TMEM236: variants seen among roughly 807,000 people sequenced by gnomAD.
TMEM236 encodes the protein transmembrane protein 236.
Under a neutral mutation model 14.7 loss-of-function variants are expected in TMEM236, and 11 were observed. The ratio of observed to expected loss-of-function variants is 0.75; its 90% CI spans 0.47 to 1.24. The LOEUF (loss-of-function observed/expected upper bound fraction) is 1.24. Among genes scored for constraint, TMEM236 ranks in the 50% most tolerant of loss-of-function variants. The probability of loss-of-function intolerance (pLI) is 0.00; values close to 1 mark genes in which losing one functional copy is unlikely to be tolerated. For missense variants in TMEM236, 464 were observed against 427.3 expected (o/e 1.09, Z -0.76); for synonymous variants, 182 against 168.6 (o/e 1.08, Z -0.62).
chr10:17,783,662 T>C (rs1837790367), intron 3 of TMEM236, among the ~76,000 whole-genome samples: 2 of 152,174 alleles, frequency 1.3e-5, no homozygotes, highest in Non-Finnish European at 2.9e-5. Flanking sequence ...AGGTTTTTGA[T>C]ATGTGTAGTT....
chr10:17,780,141 A>C (rs1837723384), intron 3 of TMEM236, among the ~76,000 whole-genome samples: 1 of 152,148 alleles, frequency 6.6e-6, no homozygotes, highest in Non-Finnish European at 1.5e-5. Context: ...TCCCCTGGAA[A>C]CCACCATTTC....
At chr10:17,782,582 G>A (rs1837770669) in intron 3 of TMEM236, among the ~76,000 whole-genome samples, 2 of 152,192 alleles carry the variant, frequency 1.3e-5, no homozygotes, top group African/African-American at 4.8e-5. Flanking sequence ...CTCCCGAGTA[G>A]CTGGGACTAC....
At chr10:17,784,442 C>A (rs1837801849) in intron 3 of TMEM236, among the ~76,000 whole-genome samples, 1 of 152,112 alleles carries the variant, frequency 6.6e-6, no homozygotes, top group Non-Finnish European at 1.5e-5. Flanking sequence ...GAATCAGGAT[C>A]TCTGGGGATG....
intron 1 of TMEM236, among the ~76,000 whole-genome samples, chr10:17,768,365 C>A (rs1022165418): frequency 6.6e-6 from 1 of 152,062 alleles, no homozygotes; most frequent in East Asian, 1.9e-4. Flanking sequence ...CTACATAATT[C>A]TTTAAAAAAG....
rs942162656 is a variant in TMEM236, at chr10:17,772,055, T to G, written c.330+674T>G. On this transcript the variant is annotated intron_variant, in intron 2 of 3. Transcript: ENST00000377495. ...TTAATTTACCTTGTGATATTTCACT[T>G]GTATGTGAAGCAAATATTCATTAAG... 5.9e-5 allele frequency among the ~76,000 whole-genome samples: 9 copies of G among 152,244 alleles called. No individual in the cohort carries two copies. The South Asian group carries it at 6.2e-4, about 10-fold the overall frequency.
At chr10:17,766,848 T>C (rs1300030379) in intron 1 of TMEM236, among the ~76,000 whole-genome samples, 1 of 122,448 alleles carries the variant, frequency 8.2e-6, no homozygotes, top group Non-Finnish European at 1.8e-5. Context: ...TTCTCCTTGC[T>C]TCTGTTGTTT....
rs540122812 is a variant in TMEM236, at chr10:17,786,100, G to T, written c.473-9821G>T. 6.4e-3 allele frequency among the ~76,000 whole-genome samples: 968 copies of T among 152,248 alleles called. 6 individuals carry two copies. Among genetic ancestry groups the T allele is most frequent in the African/African-American group, 0.022 (933 of 41,524 alleles). On this transcript the variant is annotated intron_variant, in intron 3 of 3. Transcript: ENST00000377495. ...GTTTGTTTTTCCTAAGTGGGCAAAA[G>T]AATTGTGAATAATTTTAGTATATTA...
At chr10:17,769,533 G>A (rs1341348650) in intron 1 of TMEM236, among the ~76,000 whole-genome samples, 3 of 152,144 alleles carry the variant, frequency 2.0e-5, no homozygotes, top group African/African-American at 7.2e-5. Flanking sequence ...TAATCTCTGG[G>A]GCATTGTCAT....
At chr10:17,780,076 A>C (rs935454157) in intron 3 of TMEM236, among the ~76,000 whole-genome samples, 6,841 of 152,160 alleles carry the variant, frequency 0.045, 481 homozygotes, top group African/African-American at 0.16. Context: ...CTTAGAGTGT[A>C]TATGTACCAA....
intron 1 of TMEM236, among the ~76,000 whole-genome samples, chr10:17,752,868 G>A (rs1837229384): frequency 6.6e-6 from 1 of 152,130 alleles, no homozygotes; most frequent in African/African-American, 2.4e-5. Context: ...TGCCCGGCCT[G>A]TAGAAGAATT....
At chr10:17,768,021 C>A (rs1201194018) in intron 1 of TMEM236, among the ~76,000 whole-genome samples, 1 of 150,950 alleles carries the variant, frequency 6.6e-6, no homozygotes, top group Admixed American at 6.6e-5. Flanking sequence ...AGAGATTCTC[C>A]TGCCTCAGCC....
In TMEM236 at chr10:17,800,217, T is replaced by C. The variant is rs1259312390; in HGVS notation, c.*3713T>C. The C allele has an allele frequency of 1.3e-5, 2 of 150,642 alleles. No homozygotes were observed. The highest frequency in any genetic ancestry group is 3.0e-5 in the Non-Finnish European group (2 of 67,728). The allele number at this position is 150,642 out of a possible 1,614,324, so 9.3% of individuals were successfully genotyped here. A position where few individuals can be genotyped will look rare whatever the true frequency, so the allele number is the denominator to read the frequency against. On this transcript the variant is annotated 3_prime_UTR_variant, in exon 4 of 4. Coordinates refer to ENST00000377495, the MANE Select transcript of TMEM236 (RefSeq NM_001098844.3). Reference sequence around the variant, plus strand: ...ACTATGCTCCAGCCTGGGCAACAGATTGAGACTCTGTCTCAAAAAAAAAAA... The same window carrying C: ...ACTATGCTCCAGCCTGGGCAACAGACTGAGACTCTGTCTCAAAAAAAAAAA...
In TMEM236 at chr10:17,776,143, A is replaced by T; in HGVS notation, c.445A>T (p.Ile149Leu). Residue 149 changes from isoleucine (I) to leucine (L), a missense_variant, in exon 3 of 4, where the codon ATA becomes TTA. Transcript: ENST00000377495. ...GGTTGATATTATTGAAAAACTCAGGATATATCCTCTTAGAGGGAGTCAAAA... is the reference window on the plus strand; with the variant it reads ...GGTTGATATTATTGAAAAACTCAGGTTATATCCTCTTAGAGGGAGTCAAAA... ...IMVDIIEKLR[I>L]YPLRGSQKSS... is the part of the protein sequence containing the mutation. 1 of 1,613,528 alleles carries T rather than the reference A, an allele frequency of 6.2e-7. No homozygotes were observed. The highest frequency in any genetic ancestry group is 2.2e-5 in the East Asian group (1 of 44,848).
At chr10:17,764,701 G>A (rs1312375109) in intron 1 of TMEM236, among the ~76,000 whole-genome samples, 1 of 152,108 alleles carries the variant, frequency 6.6e-6, no homozygotes, top group African/African-American at 2.4e-5. Flanking sequence ...CTGGCTGTTG[G>A]TGGTTGCTGG....
Position 17,796,917 on chromosome 10 carries a change from T to C in TMEM236, c.*413T>C, listed in dbSNP as rs1016172635. 6.1e-5 allele frequency: 15 copies of C among 245,700 alleles called. No homozygotes were observed. Among genetic ancestry groups the C allele is most frequent in the African/African-American group, 3.3e-4 (14 of 42,830 alleles). 15.2% of individuals were successfully genotyped at this position (245,700 alleles called of 1,614,324 possible). ...GATCAGCAGCAGCATTAGATCCTCA[T>C]AGGAGCCCAAACCCTATTGTGAACT... On this transcript the variant is annotated 3_prime_UTR_variant, in exon 4 of 4. Transcript: ENST00000377495.
intron 3 of TMEM236, among the ~76,000 whole-genome samples, chr10:17,777,561 T>C (rs1257907979): frequency 6.6e-6 from 1 of 152,190 alleles, no homozygotes; most frequent in Non-Finnish European, 1.5e-5. Context: ...CCTGAGTAGC[T>C]GGGATTCTAG....
chr10:17,787,494 C>T (rs973108530), intron 3 of TMEM236, among the ~76,000 whole-genome samples: 2 of 152,196 alleles, frequency 1.3e-5, no homozygotes, highest in African/African-American at 4.8e-5. Flanking sequence ...ATTGACTCTA[C>T]GGGAACCAGA....
rs1554836377 is a variant in TMEM236, at chr10:17,796,158, TA to T, written c.711del (p.Leu237PhefsTer13). On this transcript the variant is annotated frameshift_variant, in exon 4 of 4. Coordinates refer to ENST00000377495, the MANE Select transcript of TMEM236 (RefSeq NM_001098844.3). LOFTEE classifies it low-confidence loss of function (END_TRUNC). ...MMSRRDVRAE[L>X]FLWSFLLWSD... ...TCCCGGCGAGATGTCCGGGCAGAGT[TA>T]TTCTTATGGAGCTTTCTCCTGTGGT... The T allele has an allele frequency of 1.9e-6, 3 of 1,613,916 alleles. No individual in the cohort carries two copies. The South Asian group carries it at 3.3e-5, about 18-fold the overall frequency.
chr10:17,773,302 C>T (rs1161477810), intron 2 of TMEM236, among the ~76,000 whole-genome samples: 2 of 152,134 alleles, frequency 1.3e-5, no homozygotes, highest in African/African-American at 4.8e-5. Flanking sequence ...TAGAACTCAC[C>T]AGCAGAGAAG....
Sources: allele counts gnomAD v4.1 joint callset (sites outside exome capture counted in the v4.1 genomes callset), GRCh38; gene constraint gnomAD v4.1.1; transcripts MANE v1.5; gene names NCBI Gene and HGNC (gene_info 2026-07-23, HGNC 2026-07-21).